Variants in SLC7A14 observed in about 807,000 individuals in gnomAD.
SLC7A14 encodes solute carrier family 7 member 14.
A neutral mutation model predicts 60.2 loss-of-function variants in SLC7A14; 37 were observed. The ratio of observed to expected loss-of-function variants is 0.61; its 90% CI spans 0.47 to 0.81. The LOEUF is 0.81. SLC7A14 is among the 30% of genes least tolerant of loss of function. SLC7A14 has a pLI of 0.00. For synonymous variants in SLC7A14, 399 were observed against 395.8 expected, an observed-to-expected ratio of 1.01 and a Z score of -0.10; for missense variants, 886 against 982.7, an observed-to-expected ratio of 0.90 and a Z score of 1.32.
chr3:170,564,810 C>A (rs1341474924), intron 1 of SLC7A14, among the ~76,000 whole-genome samples: 3 of 152,184 alleles, frequency 2.0e-5, no homozygotes, highest in African/African-American at 7.2e-5. Flanking sequence ...TGGGGGTGGA[C>A]CAACTGCTAC....
Position 170,585,744 on chromosome 3 carries a change from C to G in SLC7A14, c.-153+167G>C, listed in dbSNP as rs975547837. Among the ~76,000 whole-genome samples the G allele has an allele frequency of 2.0e-5, 3 of 152,096 alleles. No homozygotes were observed. The highest frequency in any genetic ancestry group is 4.4e-5 in the Non-Finnish European group (3 of 68,000). ...TCGGTTCTTCCAGGGAACCCCTTCT[C>G]GGAGGGCGCCCTGGGCCTCCGCGCC... On this transcript the variant is annotated intron_variant, in intron 1 of 7. Coordinates refer to ENST00000231706, the MANE Select transcript of SLC7A14 (RefSeq NM_020949.3). The surrounding 1 kb of genome is among the most constrained non-coding windows in gnomAD (Gnocchi z 5.1).
chr3:170,500,470 G>A (rs1034739818), intron 3 of SLC7A14, among the ~76,000 whole-genome samples: 8 of 149,456 alleles, frequency 5.4e-5, no homozygotes, highest in Admixed American at 1.3e-4. Flanking sequence ...AAAAAGGAGT[G>A]GATGGCAAAT....
At chr3:170,493,719 G>A (rs1004318175) in intron 4 of SLC7A14, among the ~76,000 whole-genome samples, 5 of 152,172 alleles carry the variant, frequency 3.3e-5, no homozygotes, top group African/African-American at 1.2e-4. Context: ...AATTCAAAAT[G>A]ACTTTGCTGG....
chr3:170,517,702 C>T (rs908084058), intron 2 of SLC7A14, among the ~76,000 whole-genome samples: 3 of 152,152 alleles, frequency 2.0e-5, no homozygotes, highest in African/African-American at 7.2e-5. Context: ...GGTTGGGAAC[C>T]TGTGGAGAGA....
chr3:170,501,075 G>A (rs1396615156), intron 3 of SLC7A14, 34 bp downstream of exon 3: 1 of 1,601,190 alleles, frequency 6.2e-7, no homozygotes, highest in Non-Finnish European at 8.6e-7. Flanking sequence ...TGGTAAGTTT[G>A]CATGTTGAGG....
At chr3:170,493,246 A>T (rs370998087) in intron 4 of SLC7A14, among the ~76,000 whole-genome samples, 7 of 152,286 alleles carry the variant, frequency 4.6e-5, no homozygotes. Flanking sequence ...TTGTTCTTAA[A>T]CTCTTCAAGA....
intron 2 of SLC7A14, among the ~76,000 whole-genome samples, chr3:170,520,431 T>C (rs1713307987): frequency 6.6e-6 from 1 of 152,212 alleles, no homozygotes; most frequent in Non-Finnish European, 1.5e-5. Context: ...TCTCCATCAA[T>C]GAGCAATGGG....
At chr3:170,527,754 G>A (rs1713556354) in intron 1 of SLC7A14, among the ~76,000 whole-genome samples, 1 of 152,128 alleles carries the variant, frequency 6.6e-6, no homozygotes, top group African/African-American at 2.4e-5. Flanking sequence ...TGAGATGTGA[G>A]TTGTGTAGGA....
At chr3:170,486,467 T>G in intron 4 of SLC7A14, 99 bp from the exon 5 acceptor site, 1 of 1,470,918 alleles carries the variant, frequency 6.8e-7, no homozygotes, top group Non-Finnish European at 9.4e-7. Flanking sequence ...CAGACATGAC[T>G]GAGTGGCTGA....
intron 2 of SLC7A14, 151 bp downstream of exon 2, chr3:170,526,482 T>C: frequency 1.2e-6 from 1 of 866,424 alleles, no homozygotes; most frequent in East Asian, 2.6e-5. Flanking sequence ...GGCCCTAACC[T>C]CCCTGGCAGT....
chr3:170,507,540 T>A (rs12487753), intron 2 of SLC7A14, among the ~76,000 whole-genome samples: 17,666 of 151,428 alleles, frequency 0.12, 1,250 homozygotes, highest in East Asian at 0.19. Flanking sequence ...AGAAAAAAAA[T>A]AGAGGAAAGG....
chr3:170,467,255 C>G lies in SLC7A14; in HGVS notation c.2116G>C (p.Glu706Gln). 6.2e-7 allele frequency: 1 copy of G among 1,614,264 alleles called. No individual in the cohort carries two copies. Among genetic ancestry groups the G allele is most frequent in the Non-Finnish European group, 8.5e-7 (1 of 1,180,046 alleles). ...CCCTCTGTGGCGTAGGAGAAACCCT[C>G]CTCCACTGAGAAGGGGTCATCCACG... ...YDVDDPFSVE[E>Q]GFSYATEGES... Residue 706 changes from glutamate (E) to glutamine (Q), a missense_variant, in exon 8 of 8, where the codon GAG becomes CAG. Coordinates refer to ENST00000231706, the MANE Select transcript of SLC7A14 (RefSeq NM_020949.3).
intron 1 of SLC7A14, among the ~76,000 whole-genome samples, chr3:170,531,379 A>G (rs1713676203): frequency 6.6e-6 from 1 of 151,688 alleles, no homozygotes; most frequent in Admixed American, 6.6e-5. Context: ...TGTCACAAGG[A>G]CACCGAGAAA....
chr3:170,487,756 T>G (rs1326152763), intron 4 of SLC7A14, among the ~76,000 whole-genome samples: 2 of 152,184 alleles, frequency 1.3e-5, no homozygotes, highest in East Asian at 3.8e-4. Flanking sequence ...TACTCTGGGG[T>G]TCTTATCCTG....
In SLC7A14 at chr3:170,534,531, C is replaced by T. The variant is rs78346374; in HGVS notation, c.-152-7443G>A. Among the ~76,000 whole-genome samples the T allele has an allele frequency of 2.3e-3, 348 of 152,286 alleles. 2 individuals carry two copies. Among genetic ancestry groups the T allele is most frequent in the Middle Eastern group, 0.014 (4 of 294 alleles). The stretch of plus-strand genomic sequence containing the variant: ...TTGATGATATGTCACTGATCCCTTA[C>T]TATGCACTAGGCAAAGCAATTATAT... On this transcript the variant is annotated intron_variant, in intron 1 of 7. Transcript: ENST00000231706.
chr3:170,480,150 G>T, intron 7 of SLC7A14, 139 bp downstream of exon 7: 1 of 777,596 alleles, frequency 1.3e-6, no homozygotes, highest in Non-Finnish European at 1.9e-6. Flanking sequence ...TTGACTCTTA[G>T]GCGGAACACA....
chr3:170,478,776 T>C (rs907187190), intron 7 of SLC7A14, among the ~76,000 whole-genome samples: 27 of 152,180 alleles, frequency 1.8e-4, no homozygotes, highest in African/African-American at 6.5e-4. Flanking sequence ...AGGACACATG[T>C]TGAACAAGTG....
intron 3 of SLC7A14, 89 bp from the exon 4 acceptor site, chr3:170,498,973 G>A (rs1712509197): frequency 1.6e-6 from 2 of 1,269,990 alleles, no homozygotes; most frequent in Non-Finnish European, 1.1e-6. Context: ...TCCGTACTCA[G>A]CTTTAAGAAG....
intron 7 of SLC7A14, 124 bp downstream of exon 7, chr3:170,480,165 T>G (rs989997): frequency 0.61 from 564,360 of 925,856 alleles, 177,710 homozygotes; most frequent in Middle Eastern, 0.7. Flanking sequence ...AACACAAGGG[T>G]CCATAGAACC....
Sources: gnomAD v4.1 joint callset for allele counts (sites outside exome capture counted in the v4.1 genomes callset) on GRCh38, gnomAD v4.1.1 for gene constraint, Gnocchi (gnomAD v3.1) non-coding constraint, MANE v1.5 for transcripts, NCBI Gene and HGNC (gene_info 2026-07-23, HGNC 2026-07-21) for gene names.